The following CENPT variants were observed in gnomAD, a reference collection of about 807,000 sequenced individuals.
The protein encoded by CENPT is interphase centromere complex protein 22.
CENPT carries 42 observed loss-of-function variants against 59.7 expected under a neutral mutation model. The ratio of observed to expected loss-of-function variants is 0.70; its 90% CI spans 0.55 to 0.91. The LOEUF (loss-of-function observed/expected upper bound fraction) is 0.91, where lower values mean the gene tolerates loss of function less well. Ranked by LOEUF, CENPT falls within the 40% of genes least tolerant of loss-of-function variation. The probability of loss-of-function intolerance (pLI) is 0.00; values close to 1 mark genes in which losing one functional copy is unlikely to be tolerated. For missense variants in CENPT, 716 were observed against 713.4 expected (o/e 1.00, Z -0.04); for synonymous variants, 295 against 289.6 (o/e 1.02, Z -0.19).
chr16:67,831,361 G>A lies in CENPT; in HGVS notation c.561-3C>T, dbSNP rs150039991. On this transcript the variant is annotated splice_region_variant and splice_polypyrimidine_tract_variant and intron_variant, in intron 9 of 15. Coordinates refer to ENST00000562787, the MANE Select transcript of CENPT (RefSeq NM_025082.4). ...TGGCAAAGGTCAGGTTGAGGGATCTGGTGAGGTGGGGAGGCACAGAGGAAA... is the reference window on the plus strand; with the variant it reads ...TGGCAAAGGTCAGGTTGAGGGATCTAGTGAGGTGGGGAGGCACAGAGGAAA... The A allele has an allele frequency of 6.2e-7, 1 of 1,612,688 alleles. No individual in the cohort carries two copies. Among genetic ancestry groups the A allele is most frequent in the African/African-American group, 1.3e-5 (1 of 75,030 alleles).
Position 67,832,271 on chromosome 16 carries a change from C to T in CENPT, c.246G>A (p.Glu82=). 6 of 1,614,228 alleles carry T rather than the reference C, an allele frequency of 3.7e-6. No homozygotes were observed. The highest frequency in any genetic ancestry group is 5.1e-6 in the Non-Finnish European group (6 of 1,180,030). ...TCAGCAGCGTCCGAGGTGTCTGTTCCTCCAAGTGCCCACTGGCCTGAATAT... is the reference window on the plus strand; with the variant it reads ...TCAGCAGCGTCCGAGGTGTCTGTTCTTCCAAGTGCCCACTGGCCTGAATAT... ...SAHIQASGHL[E]EQTPRTLLKN... Residue 82 remains glutamate, a synonymous_variant, in exon 6 of 16, where the codon GAG becomes GAA. Transcript: ENST00000562787.
At chr16:67,834,451 T>C (rs2057722447) in intron 3 of CENPT, among the ~76,000 whole-genome samples, 1 of 151,956 alleles carries the variant, frequency 6.6e-6, no homozygotes, top group Non-Finnish European at 1.5e-5. Flanking sequence ...CCCTGGTCTC[T>C]ACAAAAAATA....
chr16:67,838,316 T>C (rs1360190294), intron 1 of CENPT, among the ~76,000 whole-genome samples: 1 of 152,190 alleles, frequency 6.6e-6, no homozygotes, highest in Non-Finnish European at 1.5e-5. Context: ...GAATTTTATC[T>C]CTACTGCACA....
chr16:67,840,662 T>C (rs1386291718), intron 1 of CENPT, among the ~76,000 whole-genome samples: 1 of 151,846 alleles, frequency 6.6e-6, no homozygotes, highest in African/African-American at 2.4e-5. Context: ...GGTGATGAAA[T>C]AATCTGTACA....
intron 1 of CENPT, among the ~76,000 whole-genome samples, chr16:67,837,018 G>A (rs1241872502): frequency 6.6e-6 from 1 of 152,040 alleles, no homozygotes; most frequent in Non-Finnish European, 1.5e-5. Flanking sequence ...TGGGATTACA[G>A]GCGTGAGCCA....
At chr16:67,836,389 T>C (rs1044002414) in intron 1 of CENPT, among the ~76,000 whole-genome samples, 7 of 152,018 alleles carry the variant, frequency 4.6e-5, no homozygotes, top group African/African-American at 1.7e-4. Context: ...TATTTATTCA[T>C]TTACTAGTAA....
In CENPT at chr16:67,833,827, C is replaced by T. The variant is rs568091085; in HGVS notation, c.33G>A (p.Thr11=). The change falls in exon 4 of 16, where the codon ACG becomes ACA. Residue 11 remains threonine (T), a synonymous_variant. Coordinates refer to ENST00000562787, the MANE Select transcript of CENPT (RefSeq NM_025082.4). Reference sequence around the variant, plus strand: ...GCACGCGTCGCAGCAGCGTGCGCGGCGTGGAGTCGCTGTCAGGGTTGTGGT... The same window carrying T: ...GCACGCGTCGCAGCAGCGTGCGCGGTGTGGAGTCGCTGTCAGGGTTGTGGT... MADHNPDSDS[T]PRTLLRRVLD... The T allele has an allele frequency of 1.9e-6, 3 of 1,573,100 alleles. No individual in the cohort carries two copies. The highest frequency in any genetic ancestry group is 2.5e-5 in the East Asian group (1 of 40,186).
chr16:67,830,317 G>T, intron 11 of CENPT, 73 bp downstream of exon 11: 1 of 1,539,184 alleles, frequency 6.5e-7, no homozygotes, highest in Non-Finnish European at 8.8e-7. Flanking sequence ...AGGGGCTTGA[G>T]GAAGGAAAAC....
chr16:67,843,260 GGCTT>G lies in CENPT; in HGVS notation c.-492+4137_-492+4140del. ...CCAGTTGGTGGTGGTAGGGGAAGAG[GGCTT>G]CCCTGATACTGGCTCCGACCATTCG... On this transcript the variant is annotated intron_variant, in intron 1 of 15. Coordinates refer to ENST00000562787, the MANE Select transcript of CENPT (RefSeq NM_025082.4). This position sits in a 1 kb window ranked among gnomAD's most constrained non-coding sequence, Gnocchi z 5.7. The G allele has an allele frequency of 6.2e-7, 1 of 1,613,098 alleles. No homozygotes were observed. The highest frequency in any genetic ancestry group is 8.5e-7 in the Non-Finnish European group (1 of 1,179,706).
chr16:67,834,826 C>A (rs1387013358), intron 3 of CENPT, among the ~76,000 whole-genome samples: 1 of 152,096 alleles, frequency 6.6e-6, no homozygotes, highest in Non-Finnish European at 1.5e-5. Flanking sequence ...CCACATCTAG[C>A]AAAATAAATA....
At chr16:67,832,400 A>AC in intron 5 of CENPT, 55 bp downstream of exon 5, 1 of 1,607,634 alleles carries the variant, frequency 6.2e-7, no homozygotes, top group South Asian at 1.1e-5. Context: ...CTAGACCTCA[A>AC]CCCCCCTCCC....
chr16:67,828,566 A>G lies in CENPT; in HGVS notation c.1470T>C (p.Tyr490=), dbSNP rs1241918080. The G allele has an allele frequency of 1.2e-6, 2 of 1,614,210 alleles. No individual in the cohort carries two copies. The highest frequency in any genetic ancestry group is 2.2e-5 in the South Asian group (2 of 91,082). The change falls in exon 15 of 16, where the codon TAT becomes TAC. Residue 490 remains tyrosine, a synonymous_variant. Transcript: ENST00000562787. ...LEMVEKCLDK[Y]FQHLCDDLEV... Reference sequence around the variant, plus strand: ...CCAGATCATCACAAAGATGCTGGAAATATTTATCTAGGCTGTCAAGAAGGT... The same window carrying G: ...CCAGATCATCACAAAGATGCTGGAAGTATTTATCTAGGCTGTCAAGAAGGT...
chr16:67,839,491 C>T (rs1342651198), intron 1 of CENPT, among the ~76,000 whole-genome samples: 8 of 151,886 alleles, frequency 5.3e-5, no homozygotes, highest in South Asian at 4.2e-4. Context: ...ACCCAAGAGG[C>T]GGATGTTGCA....
At chr16:67,839,732 G>A (rs188372893) in intron 1 of CENPT, among the ~76,000 whole-genome samples, 4 of 152,130 alleles carry the variant, frequency 2.6e-5, no homozygotes, top group Non-Finnish European at 5.9e-5. Flanking sequence ...AAATTAGCTG[G>A]TTGTGGTGCC....
In CENPT at chr16:67,828,858, G is replaced by A. The variant is rs1193306507; in HGVS notation, c.1281-15C>T. 1 of 1,565,980 alleles carries A rather than the reference G, an allele frequency of 6.4e-7. No homozygotes were observed. The highest frequency in any genetic ancestry group is 1.4e-5 in the African/African-American group (1 of 72,088). On this transcript the variant is annotated splice_polypyrimidine_tract_variant and intron_variant, in intron 13 of 15. Transcript: ENST00000562787. ...CTGAAGATAAGCTGAGGGCAACAGT[G>A]GACAGAGGGGGCTGAACTTGCCTCA...
At position 67,842,539 on chromosome 16, in the gene CENPT, G is replaced by C; in HGVS notation, c.-492+4862C>G. ...GCAGGAGGCCGGTGGGCCGGGCCGG[G>C]CCGCGCGGCGCAGCCATGCCTGGCT... On this transcript the variant is annotated intron_variant, in intron 1 of 15. Coordinates refer to ENST00000562787, the MANE Select transcript of CENPT (RefSeq NM_025082.4). The surrounding 1 kb of genome is among the most constrained non-coding windows in gnomAD (Gnocchi z 4.9). The C allele has an allele frequency of 6.7e-7, 1 of 1,495,422 alleles. No individual in the cohort carries two copies. Among genetic ancestry groups the C allele is most frequent in the Non-Finnish European group, 8.9e-7 (1 of 1,119,190 alleles). 92.6% of individuals were successfully genotyped at this position (1,495,422 alleles called of 1,614,324 possible). A position where few individuals can be genotyped will look rare whatever the true frequency, so the allele number is the denominator to read the frequency against.
chr16:67,829,920 A>C lies in CENPT; in HGVS notation c.1031T>G (p.Val344Gly), dbSNP rs764270906. 2 of 1,614,090 alleles carry C rather than the reference A, an allele frequency of 1.2e-6. No individual in the cohort carries two copies. Among genetic ancestry groups the C allele is most frequent in the South Asian group, 2.2e-5 (2 of 91,084 alleles). ...TGCTCCTGTTGCCTCCATTTCACTC[A>C]CACTCACACCTTCTTCTTCCATCTT... ...EKKMEEEGVS[V>G]SEMEATGAQG... is the part of the protein sequence containing the mutation. The change falls in exon 12 of 16, where the codon GTG (valine) becomes GGG (glycine). Residue 344 changes from valine (V) to glycine (G), a missense_variant. Transcript: ENST00000562787.
chr16:67,843,378 TGAAA>T lies in CENPT; in HGVS notation c.-492+4019_-492+4022del. The T allele has an allele frequency of 6.2e-7, 1 of 1,613,902 alleles. No individual in the cohort carries two copies. The highest frequency in any genetic ancestry group is 8.5e-7 in the Non-Finnish European group (1 of 1,180,014). On this transcript the variant is annotated intron_variant, in intron 1 of 15. Coordinates refer to ENST00000562787, the MANE Select transcript of CENPT (RefSeq NM_025082.4). The surrounding 1 kb of genome is among the most constrained non-coding windows in gnomAD (Gnocchi z 5.7). ...ATCCTGGCTCTGATGGAAGTGAAGA[TGAAA>T]GAGATGAAAGGCAGCATTCGCCACC...
In CENPT at chr16:67,842,910, A is replaced by G; in HGVS notation, c.-492+4491T>C. 1.3e-6 allele frequency: 2 copies of G among 1,572,748 alleles called. No homozygotes were observed. Among genetic ancestry groups the G allele is most frequent in the South Asian group, 2.3e-5 (2 of 87,748 alleles). On this transcript the variant is annotated intron_variant, in intron 1 of 15. Transcript: ENST00000562787. The surrounding 1 kb of genome is among the most constrained non-coding windows in gnomAD (Gnocchi z 4.9). ...CAGCAGCAACAGCAGCAACAGCAGC[A>G]GCAGCAGCAACAGCAGCAGCAGCAG...
Sources: gnomAD v4.1 joint callset for allele counts (sites outside exome capture counted in the v4.1 genomes callset) on GRCh38, gnomAD v4.1.1 for gene constraint, Gnocchi (gnomAD v3.1) non-coding constraint, MANE v1.5 for transcripts, NCBI Gene and HGNC (gene_info 2026-07-23, HGNC 2026-07-21) for gene names.